ATAD2: variants seen among roughly 807,000 people sequenced by gnomAD.
ATAD2 encodes ATPase family AAA domain containing 2.
Under a neutral mutation model 168.9 loss-of-function variants are expected in ATAD2, and 62 were observed. The observed-to-expected ratio is 0.37, with a 90% CI of 0.30 to 0.45. The LOEUF is 0.45. Ranked by LOEUF, ATAD2 falls within the 20% of genes least tolerant of loss-of-function variation. The pLI, the probability that ATAD2 is intolerant of heterozygous loss-of-function variation, is 1.00. For missense variants in ATAD2, 1,419 were observed against 1,667.8 expected (o/e 0.85, Z 2.60); for synonymous variants, 613 against 571.6 (o/e 1.07, Z -1.03).
chr8:123,410,532 C>T (rs952873980), intron 1 of ATAD2, among the ~76,000 whole-genome samples: 12 of 96,470 alleles, frequency 1.2e-4, no homozygotes, highest in Admixed American at 9.6e-4. Context: ...AGTGATCCAC[C>T]CGCCTTGGCC....
At chr8:123,410,609 T>G (rs1813140287) in intron 1 of ATAD2, among the ~76,000 whole-genome samples, 1 of 152,196 alleles carries the variant, frequency 6.6e-6, no homozygotes, top group Non-Finnish European at 1.5e-5. Context: ...TGATCTATTT[T>G]TTTCAATCTA....
intron 27 of ATAD2, 121 bp from the exon 28 acceptor site, chr8:123,321,296 G>A (rs1827461840): frequency 2.3e-6 from 2 of 853,956 alleles, no homozygotes; most frequent in Admixed American, 5.8e-5. Flanking sequence ...ATATTTGATA[G>A]TGAAAATAAA....
At chr8:123,390,566 T>C (rs181185327) in intron 1 of ATAD2, among the ~76,000 whole-genome samples, 2 of 152,356 alleles carry the variant, frequency 1.3e-5, no homozygotes, top group African/African-American at 4.8e-5. Flanking sequence ...GTTTCTGTAC[T>C]GTGTTATGCT....
At chr8:123,411,289 C>T (rs1438800500) in intron 1 of ATAD2, among the ~76,000 whole-genome samples, 1 of 152,146 alleles carries the variant, frequency 6.6e-6, no homozygotes, top group African/African-American at 2.4e-5. Context: ...CCTGCTAGCC[C>T]ATGCTCCGAT....
intron 24 of ATAD2, among the ~76,000 whole-genome samples, chr8:123,333,231 C>CAAAAAAAAAAAA (rs71310667): frequency 6.8e-5 from 3 of 43,990 alleles, no homozygotes; most frequent in African/African-American, 9.8e-5. Flanking sequence ...TCTAAAAATA[C>CAAAAAAAAAAAA]AAAAAAAAAA....
intron 2 of ATAD2, among the ~76,000 whole-genome samples, chr8:123,373,255 G>A (rs1829202854): frequency 4.0e-5 from 6 of 151,120 alleles, no homozygotes; most frequent in Admixed American, 4.0e-4. Context: ...TGTCCAGGTT[G>A]GTCTTGAACT....
At chr8:123,408,830 CTT>C (rs763955875) in intron 1 of ATAD2, among the ~76,000 whole-genome samples, 14 of 140,910 alleles carry the variant, frequency 9.9e-5, no homozygotes, top group Admixed American at 7.2e-5. Context: ...AAGATATATT[CTT>C]TTTTTTTTTT....
rs1352042398 is a variant in ATAD2 at position 123,402,041 on chromosome 8, C to T, written c.-2281-866G>A. 5.3e-6 allele frequency: 8 copies of T among 1,504,878 alleles called. No individual in the cohort carries two copies. Among genetic ancestry groups the T allele is most frequent in the East Asian group, 2.3e-5 (1 of 44,196 alleles). The allele number at this position is 1,504,878 out of a possible 1,614,324, so 93.2% of individuals were successfully genotyped here. On this transcript the variant is annotated intron_variant, in intron 1 of 28. Coordinates refer to the ATAD2 transcript ENST00000521903. The surrounding 1 kb of genome is among the most constrained non-coding windows in gnomAD (Gnocchi z 4.8). ...CTCAGGAGAGCTCAAGTTTGAGAAGCGTACCATGTCGGCCCAGATTGAGGG... is the reference window on the plus strand; with the variant it reads ...CTCAGGAGAGCTCAAGTTTGAGAAGTGTACCATGTCGGCCCAGATTGAGGG...
intron 14 of ATAD2, among the ~76,000 whole-genome samples, chr8:123,349,073 C>T (rs920025031): frequency 6.6e-6 from 1 of 152,136 alleles, no homozygotes; most frequent in Admixed American, 6.5e-5. Flanking sequence ...AAAGGCTACA[C>T]TCAAATTGAA....
At chr8:123,401,093 C>G (rs1177371855), upstream of ATAD2, 30 of 1,536,530 alleles carry the variant, frequency 2.0e-5, no homozygotes, top group African/African-American at 4.1e-5. Flanking sequence ...GACCACACCA[C>G]CCTCCTCAGT....
In ATAD2 at chr8:123,346,136, G is replaced by A; in HGVS notation, c.2482C>T (p.Pro828Ser). The change falls in exon 18 of 28, where the codon CCT (proline) becomes TCT (serine). Residue 828 changes from proline to serine, a missense_variant. Physicochemically the swap from Pro to Ser is moderately conservative, Grantham distance 74. This residue lies in a region of ATAD2 where 545 missense variants were observed against 724.9 expected (regional missense o/e 0.75). Transcript: ENST00000287394. ...GTAGTACTAACTCCAAAAAGAACAG[G>A]AATGTCTAATGTATATACAGTAAAC... The part of the protein sequence containing the change: ...EKFTVYTLDI[P>S]VLFGVSTTSP... 1.2e-6 allele frequency: 2 copies of A among 1,601,038 alleles called. No individual in the cohort carries two copies. The highest frequency in any genetic ancestry group is 8.5e-7 in the Non-Finnish European group (1 of 1,175,248).
intron 1 of ATAD2, among the ~76,000 whole-genome samples, chr8:123,403,756 G>A (rs1813036390): frequency 6.6e-6 from 1 of 152,204 alleles, no homozygotes; most frequent in Non-Finnish European, 1.5e-5. Flanking sequence ...CCTGGTGAGA[G>A]AAGATGGCGG....
chr8:123,353,533 T>C (rs1017637147), intron 13 of ATAD2, among the ~76,000 whole-genome samples: 1 of 152,224 alleles, frequency 6.6e-6, no homozygotes, highest in Middle Eastern at 3.2e-3. Flanking sequence ...TCCCTCAAAA[T>C]TGGCTCCTAT....
At chr8:123,409,561 T>C (rs968624417) in intron 1 of ATAD2, among the ~76,000 whole-genome samples, 3 of 152,076 alleles carry the variant, frequency 2.0e-5, no homozygotes, top group Admixed American at 1.3e-4. Flanking sequence ...GGCTGAATCA[T>C]ACCTCACTAC....
At chr8:123,405,324 T>G (rs1054063030) in intron 1 of ATAD2, among the ~76,000 whole-genome samples, 2 of 150,764 alleles carry the variant, frequency 1.3e-5, no homozygotes, top group Non-Finnish European at 2.9e-5. Flanking sequence ...TGGTGCGACC[T>G]CAGCTCACTG....
chr8:123,344,595 C>T (rs563921201), intron 19 of ATAD2: 3 of 322,346 alleles, frequency 9.3e-6, no homozygotes, highest in South Asian at 5.6e-5. Flanking sequence ...GATCCACCCA[C>T]CTCGGCCTCC....
chr8:123,368,093 T>C (rs1563853555), intron 8 of ATAD2, among the ~76,000 whole-genome samples: 1 of 152,330 alleles, frequency 6.6e-6, no homozygotes, highest in East Asian at 1.9e-4. Flanking sequence ...CCAAAATGAT[T>C]ATTCCAATGC....
intron 7 of ATAD2, 29 bp downstream of exon 7, chr8:123,369,792 C>A (rs1829084651): frequency 1.3e-6 from 2 of 1,517,528 alleles, no homozygotes; most frequent in East Asian, 2.3e-5. Context: ...ATAATTACAT[C>A]TCCTGGAAAG....
At chr8:123,379,461 T>C (rs574586682) in intron 2 of ATAD2, among the ~76,000 whole-genome samples, 1 of 152,312 alleles carries the variant, frequency 6.6e-6, no homozygotes, top group Admixed American at 6.5e-5. Context: ...GATACTCAAA[T>C]ACCTGAGAAC....
Sources: allele counts gnomAD v4.1 joint callset (sites outside exome capture counted in the v4.1 genomes callset), GRCh38; gene constraint gnomAD v4.1.1; regional missense constraint gnomAD v4.1.1; non-coding constraint Gnocchi (gnomAD v3.1); transcripts MANE v1.5; gene names NCBI Gene and HGNC (gene_info 2026-07-23, HGNC 2026-07-21).